Variants in PLEKHM1 observed in about 807,000 individuals in gnomAD.
PLEKHM1 encodes pleckstrin homology and RUN domain containing M1.
Under a neutral mutation model 94.3 loss-of-function variants are expected in PLEKHM1, and 28 were observed. The observed-to-expected ratio is 0.30, with a 90% confidence interval of 0.22 to 0.41. PLEKHM1 has a LOEUF of 0.41. Ranked by LOEUF, PLEKHM1 falls within the 10% of genes least tolerant of loss-of-function variation. The probability of loss-of-function intolerance (pLI) is 1.00; values close to 1 mark genes in which losing one functional copy is unlikely to be tolerated. For missense variants in PLEKHM1, 907 were observed against 1,358.6 expected, an observed-to-expected ratio of 0.67 and a Z score of 5.22; for synonymous variants, 424 against 581.2, an observed-to-expected ratio of 0.73 and a Z score of 3.89.
At chr17:45,458,144 A>C (rs886434148) in intron 6 of PLEKHM1, 25 bp downstream of exon 6, 2 of 1,609,464 alleles carry the variant, frequency 1.2e-6, no homozygotes, top group East Asian at 2.2e-5. Flanking sequence ...GATGGGACCC[A>C]CCCGGGACCC....
downstream of PLEKHM1, chr17:45,434,437 C>G (rs527553408): frequency 6.6e-6 from 1 of 152,176 alleles, no homozygotes; most frequent in Non-Finnish European, 1.5e-5. Flanking sequence ...ACATGCCCAG[C>G]GCACACAATA....
intron 3 of PLEKHM1, chr17:45,477,212 A>C (rs2051772745): frequency 6.3e-6 from 1 of 158,166 alleles, no homozygotes; most frequent in African/African-American, 2.4e-5. Context: ...GGAGGTAGGC[A>C]GATCACAAGG....
intron 3 of PLEKHM1, chr17:45,477,484 G>C: frequency 3.7e-6 from 1 of 267,322 alleles, no homozygotes; most frequent in Non-Finnish European, 7.4e-6. Flanking sequence ...ATCTAAGGCA[G>C]GGTCAGCAAA....
chr17:45,436,665 C>T lies in PLEKHM1; in HGVS notation c.*1193G>A, dbSNP rs1251086352. ...TCACTTTGAAAACAATTCCAGACTC[C>T]CACCCCAGCCCCAAGGCCCCTTCAA... On this transcript the variant is annotated 3_prime_UTR_variant, in exon 12 of 12. Coordinates refer to ENST00000430334, the MANE Select transcript of PLEKHM1 (RefSeq NM_014798.3). 2 of 454,022 alleles carry T rather than the reference C, an allele frequency of 4.4e-6. No homozygotes were observed. The highest frequency in any genetic ancestry group is 8.8e-6 in the Non-Finnish European group (2 of 226,802). 28.1% of individuals were successfully genotyped at this position (454,022 alleles called of 1,614,324 possible).
At position 45,464,788 on chromosome 17, in the gene PLEKHM1, C is replaced by T. The variant is rs1231021191; in HGVS notation, c.1308+3421G>A. 7.9e-5 allele frequency among the ~76,000 whole-genome samples: 12 copies of T among 152,230 alleles called. 1 individual carries two copies. The highest frequency in any genetic ancestry group is 7.3e-5 in the Non-Finnish European group (5 of 68,040). On this transcript the variant is annotated intron_variant, in intron 5 of 11. Transcript: ENST00000430334. ...ATCACACCAACCTGACCACCCTGTC[C>T]ACTCGATGGTACACTTCGATGACCC...
At chr17:45,465,641 C>T (rs890588827) in intron 5 of PLEKHM1, among the ~76,000 whole-genome samples, 6 of 152,034 alleles carry the variant, frequency 3.9e-5, no homozygotes, top group African/African-American at 1.2e-4. Context: ...ACTTAGGAGG[C>T]GGAGGTTTCA....
Position 45,475,102 on chromosome 17 carries a change from T to A in PLEKHM1, c.921A>T (p.Gln307His), listed in dbSNP as rs1256197432. 1 of 1,614,022 alleles carries A rather than the reference T, an allele frequency of 6.2e-7. No homozygotes were observed. The highest frequency in any genetic ancestry group is 2.2e-5 in the East Asian group (1 of 44,888). ...ANAEDSDRSL[Q>H]EVLLEFSKAQ... The stretch of plus-strand genomic sequence containing the variant: ...AGGAGTGGGGGCAGCGTACTCACTC[T>A]TGCAGAGACCGGTCTGAGTCCTCAG... The change falls in exon 4 of 12, where the codon CAA (glutamine) becomes CAT (histidine). Residue 307 changes from glutamine to histidine, a missense_variant and splice_region_variant. Transcript: ENST00000430334.
rs370440351 is a variant in PLEKHM1 at position 45,456,638 on chromosome 17, G to A, written c.1579+1531C>T. Among the ~76,000 whole-genome samples the A allele has an allele frequency of 8.5e-5, 13 of 152,336 alleles. No individual in the cohort carries two copies. In the South Asian group the frequency reaches 1.9e-3, roughly 22 times the overall value. Reference sequence around the variant, plus strand: ...AGACAAACCTAACAGAAGCCAGCCCGGAGACCGGGCTCTACCCACACAACC... The same window carrying A: ...AGACAAACCTAACAGAAGCCAGCCCAGAGACCGGGCTCTACCCACACAACC... On this transcript the variant is annotated intron_variant, in intron 6 of 11. Coordinates refer to ENST00000430334, the MANE Select transcript of PLEKHM1 (RefSeq NM_014798.3).
chr17:45,469,390 TG>T (rs1239179147), intron 4 of PLEKHM1, among the ~76,000 whole-genome samples: 2 of 152,166 alleles, frequency 1.3e-5, no homozygotes, highest in Non-Finnish European at 2.9e-5. Context: ...CACAGAAACA[TG>T]CCCTGGGCCC....
intron 1 of PLEKHM1, among the ~76,000 whole-genome samples, chr17:45,484,923 G>A (rs1414486304): frequency 6.6e-6 from 1 of 151,196 alleles, no homozygotes; most frequent in Non-Finnish European, 1.5e-5. Flanking sequence ...GGCTTCTGGG[G>A]ATAGCAGAGG....
At chr17:45,472,867 G>A (rs2051561627) in intron 4 of PLEKHM1, among the ~76,000 whole-genome samples, 1 of 152,178 alleles carries the variant, frequency 6.6e-6, no homozygotes, top group African/African-American at 2.4e-5. Flanking sequence ...GAACCCTGGA[G>A]GGACCTGAAC....
intron 1 of PLEKHM1, among the ~76,000 whole-genome samples, chr17:45,483,737 G>C (rs1448091294): frequency 6.6e-6 from 1 of 151,858 alleles, no homozygotes; most frequent in Non-Finnish European, 1.5e-5. Context: ...CTGTTTTATT[G>C]TCTCCACCTG....
rs2051696336 is a variant in PLEKHM1 at position 45,475,487 on chromosome 17, G to A, written c.536C>T (p.Ser179Phe). 5 of 1,612,626 alleles carry A rather than the reference G, an allele frequency of 3.1e-6. No individual in the cohort carries two copies. The Admixed American group carries it at 5.0e-5, about 16-fold the overall frequency. ...CTCATTTAAGATGGCAGACTTGTAG[G>A]AGAGTTCGAAGGACAAGGACGTGAG... is the stretch of plus-strand genomic sequence containing the variant. ...QGLTSLSFEL[S>F]YKSAILNEWT... Residue 179 changes from serine (S) to phenylalanine (F), a missense_variant, in exon 4 of 12, where the codon TCC becomes TTC. This residue lies in a region of PLEKHM1 where 176 missense variants were observed against 306.0 expected (regional missense o/e 0.58). Coordinates refer to ENST00000430334, the MANE Select transcript of PLEKHM1 (RefSeq NM_014798.3).
intron 9 of PLEKHM1, among the ~76,000 whole-genome samples, chr17:45,443,258 G>A (rs1221374623): frequency 1.3e-5 from 2 of 151,982 alleles, no homozygotes; most frequent in East Asian, 3.8e-4. Flanking sequence ...GGGCACACAC[G>A]ATGCTGACCC....
chr17:45,489,053 C>T (rs1159073496), intron 1 of PLEKHM1, among the ~76,000 whole-genome samples: 1 of 152,222 alleles, frequency 6.6e-6, no homozygotes, highest in Non-Finnish European at 1.5e-5. Context: ...ACTATAAATG[C>T]TGAGCATGGG....
rs375040904 is a variant in PLEKHM1 at position 45,454,255 on chromosome 17, G to A, written c.1597C>T (p.Arg533Trp). The A allele has an allele frequency of 2.0e-5, 32 of 1,606,624 alleles. No homozygotes were observed. In the South Asian group the frequency reaches 2.0e-4, roughly 10 times the overall value. ...RRQMGLSNPFRGLMKLGTVER... is the reference protein window; with the variant it reads ...RRQMGLSNPFWGLMKLGTVER... ...ACGGTGCCCAGCTTCATGAGACCCCGGAATGGGTTGGACAGTCCTGGAGGC... is the reference window on the plus strand; with the variant it reads ...ACGGTGCCCAGCTTCATGAGACCCCAGAATGGGTTGGACAGTCCTGGAGGC... Residue 533 changes from arginine (R) to tryptophan (W), a missense_variant, in exon 7 of 12, where the codon CGG (arginine) becomes TGG (tryptophan). Arg to Trp is a moderately radical substitution (Grantham distance 101). Transcript: ENST00000430334.
In PLEKHM1 at chr17:45,458,385, G is replaced by T. The variant is rs140977155; in HGVS notation, c.1363C>A (p.Pro455Thr). 1.6e-3 allele frequency: 2,629 copies of T among 1,613,890 alleles called. 47 individuals carry two copies. In the African/African-American group the frequency reaches 0.031, roughly 19 times the overall value. ...GGGTGGTCTGAAGCACTCTCCAGGG[G>T]TTGCTCCCGGGAAGGCCGGTAGAAG... The part of the protein sequence containing the change: ...DDFYRPSREQ[P>T]LESASDHPIA... Residue 455 changes from proline (P) to threonine (T), a missense_variant, in exon 6 of 12, where the codon CCC (proline) becomes ACC (threonine). By Grantham distance (38) the Pro-to-Thr change is conservative. This residue lies in a region of PLEKHM1 where 477 missense variants were observed against 601.5 expected (regional missense o/e 0.79). Transcript: ENST00000430334.
chr17:45,439,834 G>A (rs563597573), intron 10 of PLEKHM1, among the ~76,000 whole-genome samples, 200 bp from the exon 11 acceptor site: 2 of 152,234 alleles, frequency 1.3e-5, no homozygotes, highest in Non-Finnish European at 2.9e-5. Context: ...CGTCCAGCCC[G>A]TGGGCACTGA....
chr17:45,479,559 G>A (rs1037234728), intron 2 of PLEKHM1, among the ~76,000 whole-genome samples: 18 of 151,314 alleles, frequency 1.2e-4, no homozygotes, highest in Non-Finnish European at 1.9e-4. Flanking sequence ...GGTGGTGAGT[G>A]CCTGTAATCC....
Sources: gnomAD v4.1 joint callset for allele counts (sites outside exome capture counted in the v4.1 genomes callset) on GRCh38, gnomAD v4.1.1 for gene constraint, gnomAD v4.1.1 regional missense constraint, MANE v1.5 for transcripts, NCBI Gene and HGNC (gene_info 2026-07-23, HGNC 2026-07-21) for gene names.